Variants in P2RX5 observed in about 807,000 individuals in gnomAD.
The protein encoded by P2RX5 is purinergic receptor P2X 5.
In P2RX5, 46 loss-of-function variants were observed where a neutral mutation model predicts 54.1. The ratio of observed to expected loss-of-function variants is 0.85; its 90% CI spans 0.67 to 1.09. The LOEUF (loss-of-function observed/expected upper bound fraction) is 1.09. Ranked by LOEUF, P2RX5 falls within the 50% of genes least tolerant of loss-of-function variation. P2RX5 has a pLI of 0.00. For missense variants in P2RX5, 566 were observed against 549.8 expected (o/e 1.03, Z -0.29); for synonymous variants, 226 against 226.4 (o/e 1.00, Z 0.02).
intron 10 of P2RX5, among the ~76,000 whole-genome samples, chr17:3,681,485 C>T (rs1000587742): frequency 7.9e-5 from 12 of 152,192 alleles, no homozygotes; most frequent in African/African-American, 2.2e-4. Flanking sequence ...AGAAAATATC[C>T]GCTTTTCTTT....
intron 10 of P2RX5, among the ~76,000 whole-genome samples, chr17:3,681,667 C>G (rs1015436730): frequency 1.3e-5 from 2 of 152,208 alleles, no homozygotes; most frequent in Non-Finnish European, 1.5e-5. Flanking sequence ...TCAGGCGGAG[C>G]CTGTGAACTC....
At chr17:3,690,823 A>C (rs2143000921) in intron 3 of P2RX5, 133 bp downstream of exon 3, 1 of 1,142,094 alleles carries the variant, frequency 8.8e-7, no homozygotes. Flanking sequence ...ATAATGCAGG[A>C]ACCACACCCG....
chr17:3,680,468 T>TCCTCCACCCTGC (rs2050232190), intron 10 of P2RX5, among the ~76,000 whole-genome samples: 2 of 30,794 alleles, frequency 6.5e-5, no homozygotes, highest in Non-Finnish European at 1.1e-4. Flanking sequence ...CTCCACCCAG[T>TCCTCCACCCTGC]GTCCTCCACC....
intron 7 of P2RX5, 119 bp from the exon 8 acceptor site, chr17:3,688,878 C>T: frequency 1.8e-6 from 2 of 1,101,794 alleles, no homozygotes; most frequent in Non-Finnish European, 2.7e-6. Flanking sequence ...GAGGTCAGCC[C>T]CTCGAGACCA....
In P2RX5 at chr17:3,679,665, G is replaced by T. The variant is rs2050184652; in HGVS notation, c.1184C>A (p.Pro395Gln). The change falls in exon 11 of 12, where the codon CCA becomes CAA. Residue 395 changes from proline to glutamine, a missense_variant. Pro to Gln is a moderately conservative substitution (Grantham distance 76, BLOSUM62 -1). Coordinates refer to ENST00000225328, the MANE Select transcript of P2RX5 (RefSeq NM_002561.4). ...GCTGCTTCCACGCTTCGCCTCGGGTGGCTCCTGCAGCTCCTGCTGCTCCGG... is the reference window on the plus strand; with the variant it reads ...GCTGCTTCCACGCTTCGCCTCGGGTTGCTCCTGCAGCTCCTGCTGCTCCGG... ...GMPEQQELQE[P>Q]PEAKRGSSSQ... 2.5e-6 allele frequency: 4 copies of T among 1,611,304 alleles called. No homozygotes were observed. The highest frequency in any genetic ancestry group is 3.4e-6 in the Non-Finnish European group (4 of 1,179,838).
the P2RX5 span, among the ~76,000 whole-genome samples, chr17:3,704,534 G>A: frequency 6.6e-6 from 1 of 152,234 alleles, no homozygotes; most frequent in African/African-American, 2.4e-5. Context: ...CAGAAGGCAG[G>A]ACACTCCTCT....
intron 11 of P2RX5, among the ~76,000 whole-genome samples, chr17:3,678,627 C>G (rs2050157544): frequency 6.6e-6 from 1 of 152,236 alleles, no homozygotes; most frequent in Non-Finnish European, 1.5e-5. Context: ...CAGTCTATTT[C>G]TTGCTCCTTC....
At chr17:3,683,592 C>T (rs222776) in intron 9 of P2RX5, among the ~76,000 whole-genome samples, 193 of 152,202 alleles carry the variant, frequency 1.3e-3, no homozygotes, top group Non-Finnish European at 2.3e-3. Flanking sequence ...TAACCGGGCG[C>T]GGTGGCGCAC....
chr17:3,723,163 GT>G, the P2RX5 span: 9 of 709,464 alleles, frequency 1.3e-5, no homozygotes, highest in Non-Finnish European at 1.7e-5. Context: ...CAGAGGGTTG[GT>G]TTTTTGCACC....
the P2RX5 span, among the ~76,000 whole-genome samples, chr17:3,701,744 CTGTT>C: frequency 2.3e-5 from 3 of 128,356 alleles, no homozygotes; most frequent in Non-Finnish European, 4.9e-5. Context: ...GACATTTTCT[CTGTT>C]TTTTTTTTTT....
chr17:3,715,224 C>T, the P2RX5 span, among the ~76,000 whole-genome samples: 1 of 152,200 alleles, frequency 6.6e-6, no homozygotes, highest in South Asian at 2.1e-4. Flanking sequence ...ATAATTTCGG[C>T]TGTACTGGAT....
chr17:3,698,813 C>T (rs540665679), upstream of P2RX5, among the ~76,000 whole-genome samples: 3 of 152,060 alleles, frequency 2.0e-5, no homozygotes, highest in Non-Finnish European at 4.4e-5. Context: ...GGGACAGGAC[C>T]AGGCCCATCC....
chr17:3,706,853 G>A, the P2RX5 span, among the ~76,000 whole-genome samples: 175 of 152,218 alleles, frequency 1.1e-3, no homozygotes, highest in Non-Finnish European at 2.0e-3. Flanking sequence ...CTGGTGATCC[G>A]CCCGCCTCGG....
At chr17:3,677,063 A>G (rs1455441466) in intron 11 of P2RX5, 2 of 984,352 alleles carry the variant, frequency 2.0e-6, no homozygotes, top group African/African-American at 3.5e-5. Flanking sequence ...CTCTATTTCA[A>G]AAAAATAAAT....
the P2RX5 span, chr17:3,723,526 C>T: frequency 9.1e-6 from 9 of 991,762 alleles, no homozygotes; most frequent in Non-Finnish European, 1.4e-5. Flanking sequence ...CCAAGCGAAG[C>T]TCCAGCGGGA....
chr17:3,690,038 AC>A, intron 6 of P2RX5, 31 bp downstream of exon 6: 10 of 1,598,610 alleles, frequency 6.3e-6, no homozygotes, highest in Non-Finnish European at 7.7e-6. Context: ...ACCAAGGCCC[AC>A]CCGTGGCCCC....
At chr17:3,689,182 A>G (rs1026766609) in intron 7 of P2RX5, among the ~76,000 whole-genome samples, 4 of 151,996 alleles carry the variant, frequency 2.6e-5, no homozygotes, top group Non-Finnish European at 5.9e-5. Flanking sequence ...TTCTGAAAAC[A>G]CTGAGTCCCT....
intron 2 of P2RX5, among the ~76,000 whole-genome samples, chr17:3,691,318 T>C (rs2050610699): frequency 6.6e-6 from 1 of 152,214 alleles, no homozygotes; most frequent in Admixed American, 6.5e-5. Context: ...GCTGGAGAGC[T>C]ATTCCCAGAG....
chr17:3,691,830 CT>C, intron 1 of P2RX5, 36 bp from the exon 2 acceptor site: 1 of 1,613,276 alleles, frequency 6.2e-7, no homozygotes, highest in Non-Finnish European at 8.5e-7. Flanking sequence ...GCATCAGCCA[CT>C]CTGCTGGCTT....
Sources: allele counts gnomAD v4.1 joint callset (sites outside exome capture counted in the v4.1 genomes callset), GRCh38; gene constraint gnomAD v4.1.1; transcripts MANE v1.5; gene names NCBI Gene and HGNC (gene_info 2026-07-23, HGNC 2026-07-21).